PLOD2: variants seen among roughly 807,000 people sequenced by gnomAD.
PLOD2 encodes the protein lysine hydroxylase 2.
Under a neutral mutation model 101.0 loss-of-function variants are expected in PLOD2, and 65 were observed. The observed-to-expected ratio is 0.64, with a 90% CI of 0.53 to 0.79. The LOEUF is 0.79. Ranked by LOEUF, PLOD2 falls within the 30% of genes least tolerant of loss-of-function variation. The probability of loss-of-function intolerance (pLI) is 0.00; values close to 1 mark genes in which losing one functional copy is unlikely to be tolerated. For synonymous variants in PLOD2, 314 were observed against 302.9 expected (o/e 1.04, Z -0.38); for missense variants, 909 against 914.6 (o/e 0.99, Z 0.08).
chr3:146,156,533 G>A (rs2032308799), intron 1 of PLOD2, among the ~76,000 whole-genome samples: 1 of 152,210 alleles, frequency 6.6e-6, no homozygotes, highest in Non-Finnish European at 1.5e-5. Context: ...ATTTAAAAAT[G>A]TAAACATCTC....
intron 1 of PLOD2, among the ~76,000 whole-genome samples, chr3:146,134,168 G>A (rs1392675409): frequency 6.6e-6 from 1 of 152,084 alleles, no homozygotes; most frequent in African/African-American, 2.4e-5. Flanking sequence ...AGAACTGGCT[G>A]GGGTGGAAAT....
chr3:146,105,236 C>A (rs1187900182), intron 5 of PLOD2: 1 of 152,150 alleles, frequency 6.6e-6, no homozygotes, highest in Non-Finnish European at 1.5e-5. Flanking sequence ...TTATTTATTA[C>A]AGTTTAAGTG....
chr3:146,133,395 CAT>C (rs1333660252), intron 1 of PLOD2, among the ~76,000 whole-genome samples: 1 of 152,018 alleles, frequency 6.6e-6, no homozygotes, highest in Non-Finnish European at 1.5e-5. Flanking sequence ...ACATATGAAC[CAT>C]ATAATTTTTC....
chr3:146,091,167 A>G (rs1936958139), intron 8 of PLOD2, among the ~76,000 whole-genome samples: 1 of 151,792 alleles, frequency 6.6e-6, no homozygotes, highest in East Asian at 1.9e-4. Context: ...GAATATACAC[A>G]TCACACAGGT....
chr3:146,130,592 G>C (rs144405994), intron 1 of PLOD2, among the ~76,000 whole-genome samples: 162 of 152,238 alleles, frequency 1.1e-3, no homozygotes, highest in African/African-American at 3.7e-3. Context: ...CATATGTCTT[G>C]CATGTAGGTG....
At chr3:146,090,847 T>C (rs1436101532) in intron 8 of PLOD2, among the ~76,000 whole-genome samples, 1 of 151,806 alleles carries the variant, frequency 6.6e-6, no homozygotes, top group East Asian at 1.9e-4. Flanking sequence ...TATTTTTGCC[T>C]ATATTGCTTC....
At chr3:146,098,404 A>G (rs978553302) in intron 7 of PLOD2, among the ~76,000 whole-genome samples, 5 of 152,156 alleles carry the variant, frequency 3.3e-5, no homozygotes, top group Non-Finnish European at 5.9e-5. Context: ...TATACAGACC[A>G]AGTATGAAAA....
In PLOD2 at chr3:146,069,728, A is replaced by C. The variant is rs1235589895; in HGVS notation, c.*989T>G. 1.3e-5 allele frequency: 2 copies of C among 152,078 alleles called. No homozygotes were observed. The highest frequency in any genetic ancestry group is 1.9e-4 in the East Asian group (1 of 5,154). 9.4% of individuals were successfully genotyped at this position (152,078 alleles called of 1,614,324 possible). ...TAAAAAAGCAAATAACCCTCCCCCC[A>C]AAAAAAGAATAAGGAGCGAGACAAA... On this transcript the variant is annotated 3_prime_UTR_variant, in exon 20 of 20. Transcript: ENST00000282903.
At chr3:146,079,363 T>TA in intron 12 of PLOD2, 106 bp from the exon 13 acceptor site, 1 of 783,330 alleles carries the variant, frequency 1.3e-6, no homozygotes, top group Non-Finnish European at 2.1e-6. Context: ...TTTGTATACA[T>TA]AAATTATTGA....
intron 7 of PLOD2, among the ~76,000 whole-genome samples, chr3:146,095,711 A>G (rs1394456167): frequency 1.3e-5 from 2 of 152,316 alleles, no homozygotes; most frequent in East Asian, 3.9e-4. Flanking sequence ...TACAGGGTAT[A>G]TATCCAAAGG....
At chr3:146,127,712 G>C (rs2030655641) in intron 1 of PLOD2, among the ~76,000 whole-genome samples, 1 of 152,062 alleles carries the variant, frequency 6.6e-6, no homozygotes, top group Non-Finnish European at 1.5e-5. Flanking sequence ...TGGCTGAAGA[G>C]ATACTTCTCA....
At chr3:146,122,419 A>G (rs1576611740) in intron 2 of PLOD2, among the ~76,000 whole-genome samples, 1 of 152,178 alleles carries the variant, frequency 6.6e-6, no homozygotes, top group Non-Finnish European at 1.5e-5. Context: ...ACTCTGTGCA[A>G]TACACCATGT....
chr3:146,150,211 T>C (rs1315672218), intron 1 of PLOD2, among the ~76,000 whole-genome samples: 1 of 152,198 alleles, frequency 6.6e-6, no homozygotes, highest in African/African-American at 2.4e-5. Context: ...TCCCACAAAC[T>C]GATTTCGTTT....
At chr3:146,128,044 T>A (rs2030680408) in intron 1 of PLOD2, among the ~76,000 whole-genome samples, 1 of 152,124 alleles carries the variant, frequency 6.6e-6, no homozygotes. Flanking sequence ...AAAAGAAAGA[T>A]AGAAAATTAT....
intron 3 of PLOD2, among the ~76,000 whole-genome samples, chr3:146,114,252 TGC>T (rs1491388705): frequency 0.5 from 75,758 of 151,076 alleles, 19,092 homozygotes; most frequent in East Asian, 0.56. Flanking sequence ...TGCCTCTGTG[TGC>T]CTCTGTGACC....
intron 1 of PLOD2, among the ~76,000 whole-genome samples, chr3:146,141,852 A>C (rs1169848840): frequency 1.3e-5 from 2 of 152,106 alleles, no homozygotes; most frequent in Non-Finnish European, 2.9e-5. Context: ...AAGTTCAACA[A>C]CACGAAGAGG....
At position 146,120,268 on chromosome 3, in the gene PLOD2, T is replaced by C. The variant is rs139337369; in HGVS notation, c.338+844A>G. On this transcript the variant is annotated intron_variant, in intron 3 of 19. Transcript: ENST00000282903. ...TTTGAGAAGTGTCTGTTCACATCCT[T>C]CACACACTTTTTGATGGCCCTATTT... Among the ~76,000 whole-genome samples, 386 of 152,334 alleles carry C rather than the reference T, an allele frequency of 2.5e-3. 2 individuals are homozygous for C. The highest frequency in any genetic ancestry group is 8.9e-3 in the African/African-American group (372 of 41,574).
intron 2 of PLOD2, among the ~76,000 whole-genome samples, chr3:146,123,581 C>A (rs1271276157): frequency 1.3e-5 from 2 of 152,042 alleles, no homozygotes; most frequent in Non-Finnish European, 2.9e-5. Flanking sequence ...ACCCTCTTCA[C>A]ATTTGTTTCT....
At chr3:146,096,883 G>GC (rs568468978) in intron 7 of PLOD2, among the ~76,000 whole-genome samples, 10,814 of 48,052 alleles carry the variant, frequency 0.23, 1,494 homozygotes, top group Non-Finnish European at 0.3. Flanking sequence ...AGGGAGGTGG[G>GC]GGGGGGGAGT....
Sources: allele counts gnomAD v4.1 joint callset (sites outside exome capture counted in the v4.1 genomes callset), GRCh38; gene constraint gnomAD v4.1.1; transcripts MANE v1.5; gene names NCBI Gene and HGNC (gene_info 2026-07-23, HGNC 2026-07-21).